Variants in WDFY4 observed in about 807,000 individuals in gnomAD.
WDFY4 encodes WDFY family member 4, also known as WD repeat- and FYVE domain-containing protein 4.
In WDFY4, 169 loss-of-function variants were observed where a neutral mutation model predicts 351.9. The observed-to-expected ratio is 0.48, with a 90% CI of 0.42 to 0.55. The LOEUF is 0.55. Ranked by LOEUF, WDFY4 falls within the 20% of genes least tolerant of loss-of-function variation. The pLI, the probability that WDFY4 is intolerant of heterozygous loss-of-function variation, is 0.00. For missense variants in WDFY4, 3,803 were observed against 3,935.6 expected (o/e 0.97, Z 0.90); for synonymous variants, 1,622 against 1,574.6 (o/e 1.03, Z -0.71).
intron 47 of WDFY4, among the ~76,000 whole-genome samples, chr10:48,926,340 G>T (rs1243110339): frequency 3.3e-5 from 5 of 152,232 alleles, no homozygotes; most frequent in Non-Finnish European, 5.9e-5. Context: ...AGAACTCTGG[G>T]TGATGAGACA....
chr10:48,715,411 C>T (rs1408502794), intron 2 of WDFY4, among the ~76,000 whole-genome samples: 2 of 152,162 alleles, frequency 1.3e-5, no homozygotes, highest in Non-Finnish European at 2.9e-5. Context: ...TTGAAATGAA[C>T]ACTAACTTAG....
At position 48,789,975 on chromosome 10, in the gene WDFY4, G is replaced by A; in HGVS notation, c.4056G>A (p.Val1352=). The change falls in exon 22 of 62, where the codon GTG becomes GTA. Residue 1352 remains valine, a synonymous_variant. Coordinates refer to ENST00000325239, the MANE Select transcript of WDFY4 (RefSeq NM_001394531.1). ...GSLRTIGAVA[V]GQLGVRVFHS... ...TGCGGACCATTGGAGCTGTTGCTGT[G>A]GGTCAATTAGGTATGTTCAACTGGG... 1 of 1,552,292 alleles carries A rather than the reference G, an allele frequency of 6.4e-7. No individual in the cohort carries two copies. Among genetic ancestry groups the A allele is most frequent in the Non-Finnish European group, 8.7e-7 (1 of 1,147,118 alleles).
At chr10:48,959,595 G>A in intron 52 of WDFY4, 127 bp from the exon 53 acceptor site, 1 of 835,838 alleles carries the variant, frequency 1.2e-6, no homozygotes. Flanking sequence ...AGCATGGTCT[G>A]CAGAGAACAT....
chr10:48,745,457 A>G (rs2064980353), intron 12 of WDFY4: 1 of 265,416 alleles, frequency 3.8e-6, no homozygotes, highest in African/African-American at 2.3e-5. Flanking sequence ...GTTTCATTCA[A>G]ATATCCTTTA....
intron 40 of WDFY4, among the ~76,000 whole-genome samples, chr10:48,869,246 A>G (rs767266158): frequency 6.6e-5 from 10 of 152,194 alleles, no homozygotes; most frequent in Non-Finnish European, 1.2e-4. Flanking sequence ...CTGGACAGAG[A>G]TTAGGCTTAA....
chr10:48,777,839 A>T (rs1294940329), intron 17 of WDFY4, among the ~76,000 whole-genome samples: 6 of 152,218 alleles, frequency 3.9e-5, no homozygotes, highest in Non-Finnish European at 7.3e-5. Context: ...TTAGAGCAAG[A>T]TGTTCTGTTC....
chr10:48,896,910 C>A (rs941929251), intron 44 of WDFY4, among the ~76,000 whole-genome samples: 60 of 152,280 alleles, frequency 3.9e-4, no homozygotes, highest in African/African-American at 1.4e-3. Context: ...GGCAGAGGGA[C>A]TAAGGTGTGT....
chr10:48,977,140 G>C lies in WDFY4; in HGVS notation c.9291+161G>C, dbSNP rs904828028. Reference sequence around the variant, plus strand: ...GGGAAAAGACAAGGCTCTTTGCAGGGAAAAAGTAAATAAATAAAATTATAT... The same window carrying C: ...GGGAAAAGACAAGGCTCTTTGCAGGCAAAAAGTAAATAAATAAAATTATAT... On this transcript the variant is annotated intron_variant, in intron 59 of 61. Coordinates refer to ENST00000325239, the MANE Select transcript of WDFY4 (RefSeq NM_001394531.1). 110 of 568,098 alleles carry C rather than the reference G, an allele frequency of 1.9e-4. No homozygotes were observed. The Middle Eastern group carries it at 3.2e-3, about 17-fold the overall frequency. The allele number at this position is 568,098 out of a possible 1,614,324, so 35.2% of individuals were successfully genotyped here. A position where few individuals can be genotyped will look rare whatever the true frequency, so the allele number is the denominator to read the frequency against.
In WDFY4 at chr10:48,832,676, G is replaced by C. The variant is rs922561846; in HGVS notation, c.6630G>C (p.Gly2210=). The C allele has an allele frequency of 6.5e-7, 1 of 1,550,298 alleles. No homozygotes were observed. Among genetic ancestry groups the C allele is most frequent in the Non-Finnish European group, 8.7e-7 (1 of 1,146,208 alleles). Residue 2210 remains glycine (G), a synonymous_variant, in exon 39 of 62, where the codon GGG becomes GGC. Transcript: ENST00000325239. The part of the protein sequence containing the change: ...SLSSAMKLMP[G]RQAKDPECKT... ...CCTCAGCCATGAAGCTGATGCCCGG[G>C]CGGCAGGCCAAGGACCCTGAGTGCA...
chr10:48,971,037 G>A (rs1245345188), intron 57 of WDFY4, among the ~76,000 whole-genome samples: 2 of 152,204 alleles, frequency 1.3e-5, no homozygotes, highest in Non-Finnish European at 2.9e-5. Context: ...CTGAGGCTCA[G>A]AACAGCTTGC....
At chr10:48,945,957 G>A (rs1841022423) in intron 49 of WDFY4, 83 bp from the exon 50 acceptor site, 1 of 947,034 alleles carries the variant, frequency 1.1e-6, no homozygotes, top group African/African-American at 1.7e-5. Context: ...AATCAATAAA[G>A]AGAACCATAA....
chr10:48,776,870 C>A lies in WDFY4; in HGVS notation c.2984C>A (p.Ala995Asp). Residue 995 changes from alanine (A) to aspartate (D), a missense_variant, in exon 16 of 62, where the codon GCT (alanine) becomes GAT (aspartate). Ala to Asp is a moderately radical substitution (Grantham distance 126). Coordinates refer to ENST00000325239, the MANE Select transcript of WDFY4 (RefSeq NM_001394531.1). ...GGGGAATCCCAGGATTCAACTACTG[C>A]TCTTCAGACGGCGCTGAGCCTCATC... The part of the protein sequence containing the change: ...PLGESQDSTT[A>D]LQTALSLISM... 6.4e-7 allele frequency: 1 copy of A among 1,551,898 alleles called. No individual in the cohort carries two copies. Among genetic ancestry groups the A allele is most frequent in the Non-Finnish European group, 8.7e-7 (1 of 1,147,040 alleles).
At chr10:48,777,192 G>T (rs11101475) in intron 16 of WDFY4, among the ~76,000 whole-genome samples, 7,012 of 152,236 alleles carry the variant, frequency 0.046, 225 homozygotes, top group Middle Eastern at 0.075. Context: ...CTTTTCCCTG[G>T]TGTGGCTGCA....
intron 28 of WDFY4, among the ~76,000 whole-genome samples, chr10:48,809,463 C>A (rs972859167): frequency 3.3e-5 from 5 of 151,378 alleles, no homozygotes; most frequent in African/African-American, 1.2e-4. Flanking sequence ...AGCATCTTCA[C>A]CACCAGCATC....
At chr10:48,819,562 A>G (rs1035320861) in intron 32 of WDFY4, among the ~76,000 whole-genome samples, 3 of 152,196 alleles carry the variant, frequency 2.0e-5, no homozygotes, top group Non-Finnish European at 4.4e-5. Context: ...TCCTTGGGTG[A>G]GTCATTCAGC....
At chr10:48,780,743 G>A (rs911433816) in intron 19 of WDFY4, among the ~76,000 whole-genome samples, 1 of 152,198 alleles carries the variant, frequency 6.6e-6, no homozygotes, top group Non-Finnish European at 1.5e-5. Context: ...AGAGGGCCCG[G>A]AGGACCATAG....
intron 51 of WDFY4, among the ~76,000 whole-genome samples, chr10:48,950,328 A>G (rs1564522955): frequency 6.6e-6 from 1 of 152,216 alleles, no homozygotes; most frequent in Non-Finnish European, 1.5e-5. Flanking sequence ...TCTTGCACTT[A>G]GCGTAACGTC....
At position 48,731,362 on chromosome 10, in the gene WDFY4, A is replaced by G. The variant is rs372095585; in HGVS notation, c.1382A>G (p.Tyr461Cys). 2 of 1,551,692 alleles carry G rather than the reference A, an allele frequency of 1.3e-6. No homozygotes were observed. The highest frequency in any genetic ancestry group is 2.0e-5 in the Admixed American group (1 of 50,990). Residue 461 changes from tyrosine to cysteine, a missense_variant, in exon 9 of 62, where the codon TAC becomes TGC. By Grantham distance (194) the Tyr-to-Cys change is radical (BLOSUM62 -2). Coordinates refer to ENST00000325239, the MANE Select transcript of WDFY4 (RefSeq NM_001394531.1). ...LLEALVFELH[Y>C]VPHEILRKVQ... is the part of the protein sequence containing the mutation. ...GAGGCCCTGGTGTTCGAGCTGCACT[A>G]CGTGCCTCATGAGATCCTGCGAAAG...
At chr10:48,843,376 C>T (rs561026313) in intron 39 of WDFY4, among the ~76,000 whole-genome samples, 1 of 152,284 alleles carries the variant, frequency 6.6e-6, no homozygotes, top group East Asian at 1.9e-4. Flanking sequence ...TTTTAATTTA[C>T]TTAAATACTT....
Sources: gnomAD v4.1 joint callset for allele counts (sites outside exome capture counted in the v4.1 genomes callset) on GRCh38, gnomAD v4.1.1 for gene constraint, MANE v1.5 for transcripts, NCBI Gene and HGNC (gene_info 2026-07-23, HGNC 2026-07-21) for gene names.